SLC66A2: variants seen among roughly 807,000 people sequenced by gnomAD.
SLC66A2 encodes solute carrier family 66 member 2.
A neutral mutation model predicts 25.5 loss-of-function variants in SLC66A2; 23 were observed. The observed-to-expected ratio is 0.90, with a 90% CI of 0.65 to 1.28. SLC66A2 has a LOEUF of 1.28. Ranked by LOEUF, SLC66A2 falls within the 50% of genes most tolerant of loss-of-function variation. The pLI, the probability that SLC66A2 is intolerant of heterozygous loss-of-function variation, is 0.00. For missense variants in SLC66A2, 396 were observed against 373.1 expected (o/e 1.06, Z -0.51); for synonymous variants, 193 against 166.5 (o/e 1.16, Z -1.23).
At chr18:79,906,188 G>T (rs1982107286) in intron 5 of SLC66A2, among the ~76,000 whole-genome samples, 2 of 152,170 alleles carry the variant, frequency 1.3e-5, no homozygotes, top group Non-Finnish European at 1.5e-5. Flanking sequence ...TTGTTCCAAA[G>T]AACCAGCTTT....
Position 79,917,313 on chromosome 18 carries a change from A to G in SLC66A2, c.608+1871T>C, listed in dbSNP as rs1241317976. Among the ~76,000 whole-genome samples the G allele has an allele frequency of 2.0e-5, 3 of 152,194 alleles. No individual in the cohort carries two copies. The highest frequency in any genetic ancestry group is 4.4e-5 in the Non-Finnish European group (3 of 68,026). On this transcript the variant is annotated intron_variant, in intron 5 of 5. Coordinates refer to ENST00000397778, the MANE Select transcript of SLC66A2 (RefSeq NM_025078.5). The surrounding 1 kb of genome is among the most constrained non-coding windows in gnomAD (Gnocchi z 6.0). ...GAACAGCAAAACCTGCTACCCTGGA[A>G]TCGAGAGCAACAGCTCCTGCCAAGC...
At chr18:79,909,808 A>ACC (rs1982732207) in intron 5 of SLC66A2, among the ~76,000 whole-genome samples, 1 of 22,018 alleles carries the variant, frequency 4.5e-5, no homozygotes, top group Non-Finnish European at 8.5e-5. Context: ...ACCATCTCAC[A>ACC]AGAGTCCCCA....
At chr18:79,913,255 C>T (rs1983506181) in intron 5 of SLC66A2, among the ~76,000 whole-genome samples, 1 of 152,220 alleles carries the variant, frequency 6.6e-6, no homozygotes, top group African/African-American at 2.4e-5. Context: ...CTTCCACAGC[C>T]ACGGTGTCTG....
At position 79,917,057 on chromosome 18, in the gene SLC66A2, G is replaced by C. The variant is rs1047137578; in HGVS notation, c.608+2127C>G. On this transcript the variant is annotated intron_variant, in intron 5 of 5. Transcript: ENST00000397778. This position sits in a 1 kb window ranked among gnomAD's most constrained non-coding sequence, Gnocchi z 6.0. Reference sequence around the variant, plus strand: ...GTGCTGCTTGTGGTGAAGTGAGTGAGAACAGGAAAAGCACGTCCAATGTGT... The same window carrying C: ...GTGCTGCTTGTGGTGAAGTGAGTGACAACAGGAAAAGCACGTCCAATGTGT... Among the ~76,000 whole-genome samples the C allele has an allele frequency of 1.3e-5, 2 of 152,254 alleles. No homozygotes were observed. The highest frequency in any genetic ancestry group is 4.8e-5 in the African/African-American group (2 of 41,470).
At chr18:79,946,400 T>C (rs1263367164) in intron 2 of SLC66A2, among the ~76,000 whole-genome samples, 3 of 152,262 alleles carry the variant, frequency 2.0e-5, no homozygotes, top group African/African-American at 4.8e-5. Context: ...CCTTTAGTGA[T>C]AACAGTCTGT....
rs1383198056 is a variant in SLC66A2 at position 79,904,584 on chromosome 18, C to T, written c.609-401G>A. Among the ~76,000 whole-genome samples the T allele has an allele frequency of 1.3e-5, 2 of 152,090 alleles. No individual in the cohort carries two copies. Among genetic ancestry groups the T allele is most frequent in the South Asian group, 2.1e-4 (1 of 4,832 alleles). ...GCAGCTGACGTCAGGGCCCCTGGTG[C>T]GCGGTGGCAATTCTGGGAGGGGCCG... On this transcript the variant is annotated intron_variant, in intron 5 of 5. Transcript: ENST00000397778. The surrounding 1 kb of genome is among the most constrained non-coding windows in gnomAD (Gnocchi z 6.3).
In SLC66A2 at chr18:79,919,372, C is replaced by G. The variant is rs780520150; in HGVS notation, c.420G>C (p.Trp140Cys). 35 of 1,613,028 alleles carry G rather than the reference C, an allele frequency of 2.2e-5. No homozygotes were observed. Among genetic ancestry groups the G allele is most frequent in the Middle Eastern group, 1.6e-4 (1 of 6,084 alleles). ...ACTGCACGTAGTCCGAGAAGCTGCT[C>G]CACTGCCAGAAGTGGTGGGGGTCGA... Reference protein sequence around the residue: ...LDFDPHHFWQWSSFSDYVQCV... With the variant: ...LDFDPHHFWQCSSFSDYVQCV... The change falls in exon 5 of 6, where the codon TGG becomes TGC. Residue 140 changes from tryptophan (W) to cysteine (C), a missense_variant. Transcript: ENST00000397778.
At chr18:79,943,269 C>G in intron 3 of SLC66A2, 60 bp downstream of exon 3, 3 of 1,556,506 alleles carry the variant, frequency 1.9e-6, no homozygotes. Flanking sequence ...GCTTTTGTTT[C>G]ACCAGAGTCA....
intron 5 of SLC66A2, among the ~76,000 whole-genome samples, chr18:79,910,142 C>CAG (rs1333585538): frequency 7.7e-6 from 1 of 129,382 alleles, no homozygotes; most frequent in African/African-American, 3.0e-5. Context: ...ACACCCTCAC[C>CAG]AGAGTCCCCA....
intron 3 of SLC66A2, among the ~76,000 whole-genome samples, chr18:79,939,393 CT>C (rs1987432261): frequency 6.6e-6 from 1 of 152,174 alleles, no homozygotes; most frequent in Non-Finnish European, 1.5e-5. Flanking sequence ...CAAAGGGGAT[CT>C]AATTAAACTA....
chr18:79,915,557 T>C, intron 5 of SLC66A2: 1 of 152,276 alleles, frequency 6.6e-6, no homozygotes, highest in Non-Finnish European at 1.5e-5. Context: ...GCCTCAGGAC[T>C]CCATCCAAGC....
At chr18:79,931,467 A>C (rs907929726) in intron 4 of SLC66A2, among the ~76,000 whole-genome samples, 2 of 152,254 alleles carry the variant, frequency 1.3e-5, no homozygotes, top group Admixed American at 1.3e-4. Context: ...CGTCCCTAAC[A>C]AACAACAGTG....
rs533108115 is a variant in SLC66A2, at chr18:79,918,475, G to A, written c.608+709C>T. ...CCGGGGAGGGTCCCCAGTGAGGAGC[G>A]GCACCGGGGGGTCCCCAGTGAGGAG... On this transcript the variant is annotated intron_variant, in intron 5 of 5. Coordinates refer to ENST00000397778, the MANE Select transcript of SLC66A2 (RefSeq NM_025078.5). This position sits in a 1 kb window ranked among gnomAD's most constrained non-coding sequence, Gnocchi z 4.0. Among the ~76,000 whole-genome samples the A allele has an allele frequency of 2.5e-4, 37 of 150,962 alleles. No individual in the cohort carries two copies. Among genetic ancestry groups the A allele is most frequent in the Non-Finnish European group, 5.2e-4 (35 of 67,636 alleles).
intron 3 of SLC66A2, among the ~76,000 whole-genome samples, chr18:79,938,923 A>G (rs1393123722): frequency 6.6e-6 from 1 of 152,122 alleles, no homozygotes; most frequent in Non-Finnish European, 1.5e-5. Context: ...TGATCCGCCC[A>G]CCTCGGCCTC....
rs1460194538 is a variant in SLC66A2 at position 79,904,775 on chromosome 18, G to A, written c.609-592C>T. Among the ~76,000 whole-genome samples the A allele has an allele frequency of 1.3e-5, 2 of 152,192 alleles. No homozygotes were observed. The highest frequency in any genetic ancestry group is 2.1e-4 in the South Asian group (1 of 4,830). On this transcript the variant is annotated intron_variant, in intron 5 of 5. Coordinates refer to ENST00000397778, the MANE Select transcript of SLC66A2 (RefSeq NM_025078.5). This position sits in a 1 kb window ranked among gnomAD's most constrained non-coding sequence, Gnocchi z 6.3. ...CAGCCGCCACCCACCATCCCAGTCC[G>A]AACACGCTTCCCCCACCGCTGTGTT...
intron 4 of SLC66A2, among the ~76,000 whole-genome samples, chr18:79,930,033 A>G (rs967402564): frequency 6.6e-6 from 1 of 152,172 alleles, no homozygotes; most frequent in African/African-American, 2.4e-5. Flanking sequence ...GCAGAAAAAA[A>G]AATTCAAGGA....
Position 79,950,822 on chromosome 18 carries a change from C to A in SLC66A2, c.105G>T (p.Pro35=), listed in dbSNP as rs761602267. 1.6e-5 allele frequency: 25 copies of A among 1,612,598 alleles called. No homozygotes were observed. Among genetic ancestry groups the A allele is most frequent in the African/African-American group, 2.7e-5 (2 of 74,936 alleles). Reference sequence around the variant, plus strand: ...GCGTCCTGCGAATGTCCCGATACTGCGGGACGTAGGGCACCACCCCTCCGA... The same window carrying A: ...GCGTCCTGCGAATGTCCCGATACTGAGGGACGTAGGGCACCACCCCTCCGA... ...MVFGGVVPYV[P]QYRDIRRTQN... Residue 35 remains proline, a synonymous_variant, in exon 2 of 6, where the codon CCG becomes CCT. Transcript: ENST00000397778.
intron 4 of SLC66A2, among the ~76,000 whole-genome samples, chr18:79,925,827 C>A (rs1241414873): frequency 2.0e-5 from 3 of 152,226 alleles, no homozygotes; most frequent in African/African-American, 4.8e-5. Context: ...GGCATTGGAG[C>A]AAGAGCAACT....
chr18:79,906,454 A>G (rs1319743525), intron 5 of SLC66A2, among the ~76,000 whole-genome samples: 2 of 152,198 alleles, frequency 1.3e-5, no homozygotes, highest in East Asian at 1.9e-4. Context: ...AATATTTTCA[A>G]TAGTTTGCTT....
Sources: allele counts gnomAD v4.1 joint callset (sites outside exome capture counted in the v4.1 genomes callset), GRCh38; gene constraint gnomAD v4.1.1; non-coding constraint Gnocchi (gnomAD v3.1); transcripts MANE v1.5; gene names NCBI Gene and HGNC (gene_info 2026-07-23, HGNC 2026-07-21).